The following SRL variants were observed in gnomAD, a reference collection of about 807,000 sequenced individuals.
SRL encodes sarcalumenin.
SRL carries 23 observed loss-of-function variants against 39.5 expected under a neutral mutation model. That is an observed-to-expected ratio of 0.58 (90% CI 0.42 to 0.82). The LOEUF is 0.82. Among genes scored for constraint, SRL ranks in the 40% least tolerant of loss-of-function variants. SRL has a pLI of 0.00. For missense variants in SRL, 592 were observed against 607.8 expected (o/e 0.97, Z 0.27); for synonymous variants, 272 against 237.4 (o/e 1.15, Z -1.34).
chr16:4,224,920 G>C (rs969175043), intron 1 of SRL, among the ~76,000 whole-genome samples: 16 of 152,194 alleles, frequency 1.1e-4, no homozygotes, highest in African/African-American at 3.9e-4. Flanking sequence ...ATGGAAAGGG[G>C]TGGAGCGCTT....
intron 1 of SRL, chr16:4,207,147 C>G (rs1262747679): frequency 2.2e-6 from 1 of 456,694 alleles, no homozygotes; most frequent in African/African-American, 2.0e-5. Flanking sequence ...TTCTTCTGAG[C>G]TAGCCCCATC....
At chr16:4,221,220 T>A (rs1252628525) in intron 1 of SRL, among the ~76,000 whole-genome samples, 2 of 152,030 alleles carry the variant, frequency 1.3e-5, no homozygotes, top group Non-Finnish European at 2.9e-5. Flanking sequence ...AGCTAATTTT[T>A]TGTATTTTTA....
chr16:4,204,969 C>T (rs1345131375), intron 1 of SRL, among the ~76,000 whole-genome samples: 1 of 152,210 alleles, frequency 6.6e-6, no homozygotes, highest in Non-Finnish European at 1.5e-5. Flanking sequence ...GTGCCCAAAA[C>T]AGGCACAACT....
intron 1 of SRL, chr16:4,207,069 G>T: frequency 2.2e-6 from 1 of 453,420 alleles, no homozygotes; most frequent in South Asian, 1.6e-5. Flanking sequence ...GCCTTCCTGG[G>T]GCTCCCTGGC....
chr16:4,238,229 C>A (rs12595876), intron 1 of SRL, among the ~76,000 whole-genome samples: 1 of 152,250 alleles, frequency 6.6e-6, no homozygotes, highest in South Asian at 2.1e-4. Context: ...TAAGCCCAGG[C>A]GCTCCATCCC....
chr16:4,231,529 G>GCC (rs1195674691), intron 1 of SRL, among the ~76,000 whole-genome samples: 1 of 152,166 alleles, frequency 6.6e-6, no homozygotes, highest in East Asian at 1.9e-4. Flanking sequence ...CCCAGCTCGA[G>GCC]CCCCCCTTCC....
At chr16:4,231,018 A>G (rs2052654784) in intron 1 of SRL, among the ~76,000 whole-genome samples, 1 of 152,122 alleles carries the variant, frequency 6.6e-6, no homozygotes, top group Non-Finnish European at 1.5e-5. Context: ...TTGTCAGAGA[A>G]TAAATTTCTG....
intron 1 of SRL, among the ~76,000 whole-genome samples, chr16:4,211,335 G>A (rs2052389731): frequency 6.6e-6 from 1 of 152,250 alleles, no homozygotes; most frequent in South Asian, 2.1e-4. Flanking sequence ...CTAGGGCCTG[G>A]CATTTGCCTT....
At chr16:4,220,477 TC>T (rs2052513931) in intron 1 of SRL, among the ~76,000 whole-genome samples, 1 of 151,976 alleles carries the variant, frequency 6.6e-6, no homozygotes, top group South Asian at 2.1e-4. Context: ...TCTCATGTCT[TC>T]CCTGGGAGCA....
intron 1 of SRL, among the ~76,000 whole-genome samples, chr16:4,240,339 G>T (rs1228366943): frequency 6.6e-6 from 1 of 152,170 alleles, no homozygotes; most frequent in African/African-American, 2.4e-5. Flanking sequence ...CATGATGGGG[G>T]CGTGAGGAAG....
Position 4,232,426 on chromosome 16 carries a change from C to T in SRL, c.61+9581G>A, listed in dbSNP as rs557889422. 4.6e-5 allele frequency among the ~76,000 whole-genome samples: 7 copies of T among 152,282 alleles called. No homozygotes were observed. In the South Asian group the frequency reaches 1.2e-3, roughly 27 times the overall value. ...AGGGACACAGGTGGTCACATCAGGC[C>T]CTAAATGCTGTGTAAGTTGGAGGCC... On this transcript the variant is annotated intron_variant, in intron 1 of 5. Coordinates refer to ENST00000399609, the MANE Select transcript of SRL (RefSeq NM_001098814.2).
intron 1 of SRL, among the ~76,000 whole-genome samples, chr16:4,235,956 T>C (rs1597299066): frequency 6.6e-6 from 1 of 151,468 alleles, no homozygotes; most frequent in African/African-American, 2.4e-5. Context: ...CATAGTGTAG[T>C]CCTGGCTACT....
At chr16:4,208,371 G>A (rs528640604) in intron 1 of SRL, among the ~76,000 whole-genome samples, 46 of 152,296 alleles carry the variant, frequency 3.0e-4, no homozygotes, top group African/African-American at 1.0e-3. Context: ...GTGAGCAGCT[G>A]TGCTAACCCG....
At chr16:4,233,685 G>T (rs2052683030) in intron 1 of SRL, among the ~76,000 whole-genome samples, 1 of 152,128 alleles carries the variant, frequency 6.6e-6, no homozygotes, top group African/African-American at 2.4e-5. Context: ...ACCTCACAGG[G>T]CTGACAAGGG....
intron 1 of SRL, among the ~76,000 whole-genome samples, chr16:4,215,859 T>C (rs2052453215): frequency 1.3e-5 from 2 of 152,086 alleles, no homozygotes; most frequent in African/African-American, 4.8e-5. Context: ...GTCTTACTAC[T>C]GGCCCATCTT....
At chr16:4,214,794 G>A (rs1007594043) in intron 1 of SRL, among the ~76,000 whole-genome samples, 1 of 148,950 alleles carries the variant, frequency 6.7e-6, no homozygotes, top group African/African-American at 2.5e-5. Context: ...TTTAGACGAA[G>A]TCTCATTCTG....
At chr16:4,232,396 G>C (rs1261120581) in intron 1 of SRL, among the ~76,000 whole-genome samples, 4 of 152,206 alleles carry the variant, frequency 2.6e-5, no homozygotes, top group Non-Finnish European at 4.4e-5. Flanking sequence ...CTCTCTGGTG[G>C]ACACAGGGAC....
chr16:4,204,020 G>A (rs867826296), intron 2 of SRL, among the ~76,000 whole-genome samples: 4 of 152,324 alleles, frequency 2.6e-5, no homozygotes, highest in South Asian at 2.1e-4. Context: ...ATGGGGTGAC[G>A]AGTCAGGCTA....
intron 1 of SRL, among the ~76,000 whole-genome samples, chr16:4,211,946 A>G (rs1297045776): frequency 6.6e-6 from 1 of 152,148 alleles, no homozygotes; most frequent in Non-Finnish European, 1.5e-5. Context: ...AATGAACTCT[A>G]GGTCTGATGT....
Sources: allele counts gnomAD v4.1 joint callset (sites outside exome capture counted in the v4.1 genomes callset), GRCh38; gene constraint gnomAD v4.1.1; transcripts MANE v1.5; gene names NCBI Gene and HGNC (gene_info 2026-07-23, HGNC 2026-07-21).